CNTNAP2: variants seen among roughly 807,000 people sequenced by gnomAD.
CNTNAP2 encodes the protein contactin associated protein 2, also known as contactin-associated protein-like 2.
In CNTNAP2, 98 loss-of-function variants were observed where a neutral mutation model predicts 155.2. The observed-to-expected ratio is 0.63, with a 90% CI of 0.54 to 0.75. CNTNAP2 has a LOEUF of 0.75. CNTNAP2 is among the 30% of genes least tolerant of loss of function. CNTNAP2 has a pLI of 0.00. For synonymous variants in CNTNAP2, 651 were observed against 631.2 expected (o/e 1.03, Z -0.47); for missense variants, 1,727 against 1,688.1 (o/e 1.02, Z -0.40).
intron 9 of CNTNAP2, among the ~76,000 whole-genome samples, chr7:147,374,944 C>A (rs1221065035): frequency 6.6e-6 from 1 of 151,956 alleles, no homozygotes; most frequent in East Asian, 1.9e-4. Context: ...ATAATCCCCA[C>A]AGGTTGAGGG....
intron 8 of CNTNAP2, among the ~76,000 whole-genome samples, chr7:147,292,726 C>T (rs1238418434): frequency 6.6e-6 from 1 of 152,028 alleles, no homozygotes; most frequent in African/African-American, 2.4e-5. Context: ...TCATCCCATC[C>T]ATCCCTAAGA....
intron 1 of CNTNAP2, among the ~76,000 whole-genome samples, chr7:146,590,667 C>G (rs777825644): frequency 1.4e-4 from 22 of 152,108 alleles, no homozygotes; most frequent in Non-Finnish European, 3.2e-4. Context: ...CACAGATGCA[C>G]AACACACCAT....
chr7:146,182,901 C>T (rs1237057670), intron 1 of CNTNAP2, among the ~76,000 whole-genome samples: 1 of 152,114 alleles, frequency 6.6e-6, no homozygotes, highest in Non-Finnish European at 1.5e-5. Context: ...CTATCTAGGT[C>T]CTGCTCATCT....
At chr7:146,177,781 A>G (rs549976113) in intron 1 of CNTNAP2, among the ~76,000 whole-genome samples, 1 of 152,316 alleles carries the variant, frequency 6.6e-6, no homozygotes. Flanking sequence ...GTTATTTACA[A>G]TATTGGGTGC....
At chr7:147,822,424 T>C (rs1798376629) in intron 13 of CNTNAP2, among the ~76,000 whole-genome samples, 1 of 152,152 alleles carries the variant, frequency 6.6e-6, no homozygotes, top group Non-Finnish European at 1.5e-5. Flanking sequence ...CAAAATCCCA[T>C]GAATAAATCC....
At chr7:146,860,678 T>G (rs1585126348) in intron 3 of CNTNAP2, among the ~76,000 whole-genome samples, 1 of 152,284 alleles carries the variant, frequency 6.6e-6, no homozygotes, top group Non-Finnish European at 1.5e-5. Context: ...ATGTATTGTC[T>G]TAACCTAAAG....
At chr7:148,211,774 T>G (rs766667577) in intron 18 of CNTNAP2, among the ~76,000 whole-genome samples, 2 of 152,202 alleles carry the variant, frequency 1.3e-5, no homozygotes, top group Admixed American at 1.3e-4. Flanking sequence ...TCTTCAGTAA[T>G]CTTTTATTAC....
intron 1 of CNTNAP2, among the ~76,000 whole-genome samples, chr7:146,331,221 G>A (rs1296180115): frequency 6.6e-6 from 1 of 150,772 alleles, no homozygotes; most frequent in East Asian, 2.0e-4. Context: ...GGAGAATGGC[G>A]TGAACCCGGG....
chr7:148,076,956 A>G (rs1724847284), intron 15 of CNTNAP2, among the ~76,000 whole-genome samples: 1 of 152,186 alleles, frequency 6.6e-6, no homozygotes, highest in African/African-American at 2.4e-5. Context: ...ACTGGATCAG[A>G]CAGAGCAATC....
At chr7:148,337,761 C>T (rs980714174) in intron 21 of CNTNAP2, among the ~76,000 whole-genome samples, 1 of 152,218 alleles carries the variant, frequency 6.6e-6, no homozygotes, top group Non-Finnish European at 1.5e-5. Flanking sequence ...GTACATTGGA[C>T]TTTCGGGACA....
intron 1 of CNTNAP2, among the ~76,000 whole-genome samples, chr7:146,135,641 T>C (rs188239452): frequency 2.0e-3 from 303 of 152,234 alleles, no homozygotes; most frequent in Non-Finnish European, 3.2e-3. Context: ...GCCTAACTAA[T>C]GTTATTAATG....
intron 13 of CNTNAP2, 111 bp from the exon 14 acceptor site, chr7:147,903,454 T>G (rs1048922744): frequency 8.5e-7 from 1 of 1,178,490 alleles, no homozygotes; most frequent in Admixed American, 1.9e-5. Context: ...TTTAAGAGGG[T>G]TGAGTGATGT....
chr7:147,229,869 C>T (rs925439812), intron 8 of CNTNAP2, among the ~76,000 whole-genome samples: 21 of 152,122 alleles, frequency 1.4e-4, no homozygotes, highest in Admixed American at 6.5e-4. Flanking sequence ...ACATCTAATC[C>T]ATGGCTCTAT....
At chr7:146,413,460 G>C (rs1342815572) in intron 1 of CNTNAP2, among the ~76,000 whole-genome samples, 1 of 152,130 alleles carries the variant, frequency 6.6e-6, no homozygotes, top group African/African-American at 2.4e-5. Context: ...GCTGGAAATA[G>C]GTTATTTTCT....
intron 13 of CNTNAP2, among the ~76,000 whole-genome samples, chr7:147,816,864 G>T (rs1003439488): frequency 7.2e-5 from 11 of 152,148 alleles, no homozygotes; most frequent in Middle Eastern, 3.4e-3. Flanking sequence ...ATATTAAAAA[G>T]AACTAGACAA....
At chr7:146,388,852 A>G (rs1200594502) in intron 1 of CNTNAP2, among the ~76,000 whole-genome samples, 3 of 152,136 alleles carry the variant, frequency 2.0e-5, no homozygotes, top group African/African-American at 7.2e-5. Context: ...AATAAGCAAG[A>G]ATGTGTGATG....
intron 12 of CNTNAP2, among the ~76,000 whole-genome samples, chr7:147,575,371 GGTGTGT>G (rs149655952): frequency 0.11 from 10,210 of 95,776 alleles, 1,429 homozygotes; most frequent in African/African-American, 0.34. Flanking sequence ...TAGCTTTAGG[GGTGTGT>G]GTGTGTGTGT....
chr7:148,266,963 A>G (rs1796682129), intron 20 of CNTNAP2, 70 bp from the exon 21 acceptor site: 1 of 1,392,020 alleles, frequency 7.2e-7, no homozygotes, highest in Non-Finnish European at 1.0e-6. Context: ...TGTCATCCCC[A>G]CAGGGAAGAT....
At chr7:146,247,478 G>A (rs1467911095) in intron 1 of CNTNAP2, among the ~76,000 whole-genome samples, 4 of 152,114 alleles carry the variant, frequency 2.6e-5, no homozygotes, top group African/African-American at 7.2e-5. Flanking sequence ...AAGACTCAGC[G>A]AAGCTTGGGG....
Sources: gnomAD v4.1 joint callset for allele counts (sites outside exome capture counted in the v4.1 genomes callset) on GRCh38, gnomAD v4.1.1 for gene constraint, MANE v1.5 for transcripts, NCBI Gene and HGNC (gene_info 2026-07-23, HGNC 2026-07-21) for gene names.